The following ANKRD22 variants were observed in gnomAD, a reference collection of about 807,000 sequenced individuals.
ANKRD22 encodes ankyrin repeat domain 22.
ANKRD22 carries 24 observed loss-of-function variants against 25.7 expected under a neutral mutation model. That is an observed-to-expected ratio of 0.93 (90% CI 0.68 to 1.31). ANKRD22 has a LOEUF of 1.31. ANKRD22 is among the 50% of genes most tolerant of loss of function. The probability of loss-of-function intolerance (pLI) is 0.00; values close to 1 mark genes in which losing one functional copy is unlikely to be tolerated. For synonymous variants in ANKRD22, 84 were observed against 84.3 expected, an observed-to-expected ratio of 1.00 and a Z score of 0.02; for missense variants, 214 against 227.1, an observed-to-expected ratio of 0.94 and a Z score of 0.37.
chr10:88,821,483 G>C lies in ANKRD22; in HGVS notation c.*1458C>G, dbSNP rs1354778261. On this transcript the variant is annotated 3_prime_UTR_variant, in exon 6 of 6. Transcript: ENST00000371930. ...AATCAAAGGTTTGTGTGTGTCAAAA[G>C]TATATTGTTGAAGGTATACTGGTGT... 6.6e-6 allele frequency among the ~76,000 whole-genome samples: 1 copy of C among 152,218 alleles called. No homozygotes were observed. Among genetic ancestry groups the C allele is most frequent in the African/African-American group, 2.4e-5 (1 of 41,450 alleles).
At chr10:88,844,902 A>G (rs1009337834) in intron 1 of ANKRD22, among the ~76,000 whole-genome samples, 19 of 152,208 alleles carry the variant, frequency 1.2e-4, no homozygotes, top group African/African-American at 4.3e-4. Flanking sequence ...TTTCTCTCCC[A>G]CTTTCTCCTT....
chr10:88,825,227 C>G (rs1843845035), intron 4 of ANKRD22, among the ~76,000 whole-genome samples: 1 of 152,218 alleles, frequency 6.6e-6, no homozygotes, highest in South Asian at 2.1e-4. Flanking sequence ...CAAATTTCCA[C>G]TTGCCTACTT....
intron 3 of ANKRD22, among the ~76,000 whole-genome samples, chr10:88,826,987 G>C (rs970926061): frequency 2.6e-5 from 4 of 152,258 alleles, no homozygotes; most frequent in African/African-American, 9.6e-5. Context: ...AATGAACTAG[G>C]ACTCCTCAGA....
At chr10:88,830,277 T>G (rs1843891830) in intron 2 of ANKRD22, among the ~76,000 whole-genome samples, 2 of 152,230 alleles carry the variant, frequency 1.3e-5, no homozygotes, top group Non-Finnish European at 1.5e-5. Flanking sequence ...AATAATAACT[T>G]AAACTTTCTG....
At position 88,851,623 on chromosome 10, in the gene ANKRD22, G is replaced by T. The variant is rs552240951; in HGVS notation, c.-16C>A. ...GGATTCCCATGCTGGTCCTTCACAGGCTTACTTCACCTCTACAGCTCCTTG... is the reference window on the plus strand; with the variant it reads ...GGATTCCCATGCTGGTCCTTCACAGTCTTACTTCACCTCTACAGCTCCTTG... On this transcript the variant is annotated 5_prime_UTR_variant, in exon 1 of 6. Transcript: ENST00000371930. 2 of 1,612,928 alleles carry T rather than the reference G, an allele frequency of 1.2e-6. No homozygotes were observed. The highest frequency in any genetic ancestry group is 1.7e-5 in the Admixed American group (1 of 59,974).
At chr10:88,829,104 T>C (rs1463033616) in intron 2 of ANKRD22, among the ~76,000 whole-genome samples, 1 of 152,254 alleles carries the variant, frequency 6.6e-6, no homozygotes, top group Non-Finnish European at 1.5e-5. Context: ...TTCATGTTCC[T>C]TCATGTGCAT....
chr10:88,840,501 A>C (rs1843994303), intron 1 of ANKRD22, among the ~76,000 whole-genome samples: 1 of 152,122 alleles, frequency 6.6e-6, no homozygotes, highest in African/African-American at 2.4e-5. Context: ...AGTATAATGG[A>C]GCTTCTGTAA....
Position 88,820,553 on chromosome 10 carries a change from A to G in ANKRD22, c.*2388T>C, listed in dbSNP as rs1217978295. The G allele has an allele frequency of 6.7e-7, 1 of 1,493,974 alleles. No individual in the cohort carries two copies. Among genetic ancestry groups the G allele is most frequent in the African/African-American group, 1.4e-5 (1 of 71,782 alleles). The allele number at this position is 1,493,974 out of a possible 1,614,324, so 92.5% of individuals were successfully genotyped here. On this transcript the variant is annotated 3_prime_UTR_variant, in exon 6 of 6. Transcript: ENST00000371930. ...CAACCTCCTGAGGGATGGGGCTAGG[A>G]CCCATGAAGGCAGAATTACGGAGAG...
In ANKRD22 at chr10:88,821,488, T is replaced by C. The variant is rs1843793732; in HGVS notation, c.*1453A>G. 6.6e-6 allele frequency among the ~76,000 whole-genome samples: 1 copy of C among 152,222 alleles called. No individual in the cohort carries two copies. The highest frequency in any genetic ancestry group is 1.5e-5 in the Non-Finnish European group (1 of 68,040). On this transcript the variant is annotated 3_prime_UTR_variant, in exon 6 of 6. Coordinates refer to ENST00000371930, the MANE Select transcript of ANKRD22 (RefSeq NM_144590.3). ...AAGGTTTGTGTGTGTCAAAAGTATA[T>C]TGTTGAAGGTATACTGGTGTGTGAA... is the stretch of plus-strand genomic sequence containing the variant.
intron 3 of ANKRD22, among the ~76,000 whole-genome samples, chr10:88,828,318 A>G (rs1218609330): frequency 6.6e-6 from 1 of 152,166 alleles, no homozygotes; most frequent in Non-Finnish European, 1.5e-5. Flanking sequence ...AGGTTAAATT[A>G]TTTTTCTAAA....
intron 1 of ANKRD22, among the ~76,000 whole-genome samples, chr10:88,849,911 T>C (rs2133084730): frequency 6.6e-6 from 1 of 152,090 alleles, no homozygotes; most frequent in Non-Finnish European, 1.5e-5. Flanking sequence ...TAAAAATATA[T>C]ATTGCATAAC....
intron 1 of ANKRD22, among the ~76,000 whole-genome samples, chr10:88,846,820 A>G (rs74353829): frequency 0.028 from 4,227 of 152,172 alleles, 212 homozygotes; most frequent in African/African-American, 0.098. Flanking sequence ...CAATAATGCC[A>G]AAACAGTGAT....
rs1844107699 is a variant in ANKRD22 at position 88,851,784 on chromosome 10, GGCA to G, written c.-180_-178del. ...CTGTCAGTGCTTTTCCAGCAGCTCA[GGCA>G]GCAGCACACCTTCCAGAGAGCCCAG... On this transcript the variant is annotated 5_prime_UTR_variant, in exon 1 of 6. Coordinates refer to ENST00000371930, the MANE Select transcript of ANKRD22 (RefSeq NM_144590.3). The G allele has an allele frequency of 1.5e-6, 1 of 649,014 alleles. No homozygotes were observed. Among genetic ancestry groups the G allele is most frequent in the African/African-American group, 1.8e-5 (1 of 55,412 alleles). 40.2% of individuals were successfully genotyped at this position (649,014 alleles called of 1,614,324 possible). A position where few individuals can be genotyped will look rare whatever the true frequency, so the allele number is the denominator to read the frequency against.
intron 1 of ANKRD22, among the ~76,000 whole-genome samples, chr10:88,839,902 C>A (rs564159374): frequency 6.6e-6 from 1 of 152,188 alleles, no homozygotes; most frequent in African/African-American, 2.4e-5. Context: ...CACTATTGAC[C>A]AGTTAAATAA....
chr10:88,838,096 T>A (rs1490124482), intron 1 of ANKRD22, among the ~76,000 whole-genome samples: 5 of 152,158 alleles, frequency 3.3e-5, no homozygotes, highest in Admixed American at 3.3e-4. Flanking sequence ...AGATGAGACT[T>A]TTGAGCATGA....
intron 3 of ANKRD22, among the ~76,000 whole-genome samples, chr10:88,826,587 T>A (rs922375831): frequency 5.9e-5 from 9 of 152,226 alleles, no homozygotes; most frequent in Non-Finnish European, 1.2e-4. Flanking sequence ...TTGGCCTTTG[T>A]TAATCTTTCA....
chr10:88,823,069 G>C (rs182368523), intron 5 of ANKRD22, 51 bp from the exon 6 acceptor site: 1 of 1,554,520 alleles, frequency 6.4e-7, no homozygotes, highest in Non-Finnish European at 8.9e-7. Context: ...CCAAGATCTC[G>C]TACGTAGCTT....
At chr10:88,845,220 A>G (rs540970801) in intron 1 of ANKRD22, among the ~76,000 whole-genome samples, 1 of 152,250 alleles carries the variant, frequency 6.6e-6, no homozygotes, top group South Asian at 2.1e-4. Flanking sequence ...CTAAATGCGT[A>G]TGTTTCTTGA....
At position 88,822,819 on chromosome 10, in the gene ANKRD22, G is replaced by A. The variant is rs1315497684; in HGVS notation, c.*122C>T. 3.7e-6 allele frequency: 3 copies of A among 810,122 alleles called. No individual in the cohort carries two copies. The highest frequency in any genetic ancestry group is 6.1e-6 in the Non-Finnish European group (3 of 489,876). The allele number at this position is 810,122 out of a possible 1,614,324, so 50.2% of individuals were successfully genotyped here. Reference sequence around the variant, plus strand: ...TCTTCCAAAACATTAACCATGGTAAGCATCATTATCCCCATAAAATGGTGG... The same window carrying A: ...TCTTCCAAAACATTAACCATGGTAAACATCATTATCCCCATAAAATGGTGG... On this transcript the variant is annotated 3_prime_UTR_variant, in exon 6 of 6. Coordinates refer to ENST00000371930, the MANE Select transcript of ANKRD22 (RefSeq NM_144590.3).
Sources: allele counts gnomAD v4.1 joint callset (sites outside exome capture counted in the v4.1 genomes callset), GRCh38; gene constraint gnomAD v4.1.1; transcripts MANE v1.5; gene names NCBI Gene and HGNC (gene_info 2026-07-23, HGNC 2026-07-21).